Variants in NAA60 observed in about 807,000 individuals in gnomAD.
NAA60 encodes the protein N-alpha-acetyltransferase 60, NatF catalytic subunit, also known as N-alpha-acetyltransferase 60.
NAA60 carries 8 observed loss-of-function variants against 26.1 expected under a neutral mutation model. That is an observed-to-expected ratio of 0.31 (90% CI 0.18 to 0.55). The LOEUF (loss-of-function observed/expected upper bound fraction) is 0.55, where lower values mean the gene tolerates loss of function less well. Ranked by LOEUF, NAA60 falls within the 20% of genes least tolerant of loss-of-function variation. The probability of loss-of-function intolerance (pLI) is 0.93; values close to 1 mark genes in which losing one functional copy is unlikely to be tolerated. For synonymous variants in NAA60, 131 were observed against 122.5 expected, an observed-to-expected ratio of 1.07 and a Z score of -0.46; for missense variants, 290 against 311.3, an observed-to-expected ratio of 0.93 and a Z score of 0.51.
At chr16:3,477,862 A>C (rs1422749337) in intron 3 of NAA60, among the ~76,000 whole-genome samples, 1 of 151,868 alleles carries the variant, frequency 6.6e-6, no homozygotes, top group Non-Finnish European at 1.5e-5. Flanking sequence ...TCAGGAGTTC[A>C]AGACCAGCCT....
intron 2 of NAA60, among the ~76,000 whole-genome samples, chr16:3,450,453 C>T (rs961817553): frequency 9.9e-5 from 15 of 152,154 alleles, no homozygotes; most frequent in African/African-American, 3.4e-4. Context: ...GTAATCCCAG[C>T]ACTTTGGGAG....
At chr16:3,455,209 G>A (rs2034929435) in intron 2 of NAA60, among the ~76,000 whole-genome samples, 1 of 151,728 alleles carries the variant, frequency 6.6e-6, no homozygotes, top group South Asian at 2.1e-4. Context: ...GTACCACCAT[G>A]CTCAGCAAAT....
chr16:3,449,909 T>G (rs934232293), intron 2 of NAA60: 2 of 392,574 alleles, frequency 5.1e-6, no homozygotes, highest in African/African-American at 2.1e-5. Flanking sequence ...CCTTCCACCG[T>G]AATTGTGAGG....
chr16:3,482,552 C>CA lies in NAA60; in HGVS notation c.292dup (p.Ile98AsnfsTer21). 3 of 1,609,646 alleles carry CA rather than the reference C, an allele frequency of 1.9e-6. No individual in the cohort carries two copies. Among genetic ancestry groups the CA allele is most frequent in the Non-Finnish European group, 2.5e-6 (3 of 1,178,050 alleles). On this transcript the variant is annotated frameshift_variant, in exon 5 of 8. Transcript: ENST00000407558. LOFTEE classifies it high-confidence loss of function. ...TCTCTGTTGACACACAAGTCGCGTA[C>CA]ATCCTAAGTCTGGGCGTCGTGAAAG... is the stretch of plus-strand genomic sequence containing the variant.
intron 2 of NAA60, among the ~76,000 whole-genome samples, chr16:3,475,780 C>T (rs777037414): frequency 1.8e-4 from 27 of 152,364 alleles, no homozygotes; most frequent in Non-Finnish European, 2.8e-4. Flanking sequence ...CCCCGGCCAC[C>T]GGGCTGCTTT....
chr16:3,457,911 G>A (rs1308568047), intron 2 of NAA60: 60 of 397,490 alleles, frequency 1.5e-4, no homozygotes, highest in Non-Finnish European at 1.7e-4. Context: ...GAGCCTGCCC[G>A]CTCCCAACCT....
rs184454104 is a variant in NAA60 at position 3,450,063 on chromosome 16, G to C, written c.-7+1523G>C. 2.3e-3 allele frequency: 928 copies of C among 397,802 alleles called. 5 individuals are homozygous for C. Among genetic ancestry groups the C allele is most frequent in the Non-Finnish European group, 3.2e-3 (727 of 225,622 alleles). The allele number at this position is 397,802 out of a possible 1,614,324, so 24.6% of individuals were successfully genotyped here. ...GAGAAAAGAAGAAGAAGGAACTAAA[G>C]AAGAATTTCTTTGGAAGCAAAATAT... On this transcript the variant is annotated intron_variant, in intron 2 of 7. Transcript: ENST00000407558.
intron 4 of NAA60, among the ~76,000 whole-genome samples, chr16:3,480,031 A>G (rs938762407): frequency 7.2e-5 from 11 of 152,142 alleles, no homozygotes; most frequent in African/African-American, 2.7e-4. Flanking sequence ...CTCTAACTTC[A>G]CAGAGCCCTT....
intron 2 of NAA60, among the ~76,000 whole-genome samples, chr16:3,469,280 GCACC>G (rs1267524104): frequency 3.7e-5 from 5 of 135,602 alleles, no homozygotes; most frequent in African/African-American, 1.4e-4. Flanking sequence ...AGAGCAGAGA[GCACC>G]TGCCTGGCAG....
At chr16:3,485,223 T>G (rs1181223827) in intron 7 of NAA60, 162 bp downstream of exon 7, 66 of 681,732 alleles carry the variant, frequency 9.7e-5, no homozygotes, top group Non-Finnish European at 1.7e-4. Flanking sequence ...TGGTGACTTG[T>G]GCCAAGCTAA....
chr16:3,476,722 A>G lies in NAA60; in HGVS notation c.110+385A>G, dbSNP rs143321155. Among the ~76,000 whole-genome samples, 314 of 152,280 alleles carry G rather than the reference A, an allele frequency of 2.1e-3. 2 individuals are homozygous for G. The highest frequency in any genetic ancestry group is 6.9e-3 in the African/African-American group (287 of 41,532). The stretch of plus-strand genomic sequence containing the variant: ...AATATTATTCAGCCGGGAAAAAAAA[A>G]CCTGTCAAAGAGTTATATTTTTTGA... On this transcript the variant is annotated intron_variant, in intron 3 of 7. Coordinates refer to ENST00000407558, the MANE Select transcript of NAA60 (RefSeq NM_001083601.3).
At chr16:3,476,477 A>G in intron 3 of NAA60, 140 bp downstream of exon 3, 1 of 663,688 alleles carries the variant, frequency 1.5e-6, no homozygotes, top group Non-Finnish European at 2.6e-6. Flanking sequence ...CAGGGGTCCC[A>G]GGTTACCCAC....
intron 2 of NAA60, among the ~76,000 whole-genome samples, chr16:3,458,343 G>T (rs1446979851): frequency 6.6e-6 from 1 of 151,338 alleles, no homozygotes; most frequent in African/African-American, 2.4e-5. Flanking sequence ...CCGGCGCACG[G>T]TCCTCCCGGG....
At chr16:3,450,070 TTCTTTGGAAGCAAAA>T in intron 2 of NAA60, 1 of 397,768 alleles carries the variant, frequency 2.5e-6, no homozygotes, top group Non-Finnish European at 4.4e-6. Context: ...AAAGAAGAAT[TTCTTTGGAAGCAAAA>T]TATTTGGAAG....
intron 2 of NAA60, among the ~76,000 whole-genome samples, chr16:3,459,399 CA>C (rs2150961535): frequency 6.6e-6 from 1 of 152,252 alleles, no homozygotes; most frequent in African/African-American, 2.4e-5. Flanking sequence ...GGGGCAAAAA[CA>C]AATAAATACA....
rs750387795 is a variant in NAA60 at position 3,483,608 on chromosome 16, C to G, written c.572+11C>G. On this transcript the variant is annotated intron_variant, in intron 6 of 7. Transcript: ENST00000407558. ...TCCCTGGACGATTTTATATCCTTAACTTCTGGGGGAGAGGGACTGTGGCTT... is the reference window on the plus strand; with the variant it reads ...TCCCTGGACGATTTTATATCCTTAAGTTCTGGGGGAGAGGGACTGTGGCTT... The G allele has an allele frequency of 6.3e-7, 1 of 1,597,262 alleles. No individual in the cohort carries two copies. Among genetic ancestry groups the G allele is most frequent in the Non-Finnish European group, 8.6e-7 (1 of 1,166,454 alleles).
At chr16:3,480,795 A>C (rs2036782363) in intron 4 of NAA60, among the ~76,000 whole-genome samples, 1 of 152,072 alleles carries the variant, frequency 6.6e-6, no homozygotes, top group East Asian at 1.9e-4. Flanking sequence ...AATCCCAGCT[A>C]CTCAGGAGGC....
At chr16:3,461,449 G>C (rs2035388403) in intron 2 of NAA60, among the ~76,000 whole-genome samples, 1 of 152,174 alleles carries the variant, frequency 6.6e-6, no homozygotes, top group Non-Finnish European at 1.5e-5. Flanking sequence ...CCACTCCCTA[G>C]TCCCACCTTG....
rs76551601 is a variant in NAA60, at chr16:3,482,177, T to C, written c.241-325T>C. Among the ~76,000 whole-genome samples the C allele has an allele frequency of 4.8e-3, 725 of 152,340 alleles. 7 individuals are homozygous for C. The highest frequency in any genetic ancestry group is 0.017 in the African/African-American group (699 of 41,564). ...CCCATGAGGCCCGCGTGGTGCTGTGTAGTTGCTGCCTTCATGCCATAACTT... is the reference window on the plus strand; with the variant it reads ...CCCATGAGGCCCGCGTGGTGCTGTGCAGTTGCTGCCTTCATGCCATAACTT... On this transcript the variant is annotated intron_variant, in intron 4 of 7. Coordinates refer to ENST00000407558, the MANE Select transcript of NAA60 (RefSeq NM_001083601.3).
Sources: allele counts gnomAD v4.1 joint callset (sites outside exome capture counted in the v4.1 genomes callset), GRCh38; gene constraint gnomAD v4.1.1; transcripts MANE v1.5; gene names NCBI Gene and HGNC (gene_info 2026-07-23, HGNC 2026-07-21).